SLAMF9: variants seen among roughly 807,000 people sequenced by gnomAD.
The protein encoded by SLAMF9 is CD2 family member 10.
Under a neutral mutation model 30.4 loss-of-function variants are expected in SLAMF9, and 25 were observed. That is an observed-to-expected ratio of 0.82 (90% CI 0.60 to 1.15). The LOEUF (loss-of-function observed/expected upper bound fraction) is 1.15. Ranked by LOEUF, SLAMF9 falls within the 50% of genes most tolerant of loss-of-function variation. The pLI is 0.00. For synonymous variants in SLAMF9, 129 were observed against 127.2 expected, an observed-to-expected ratio of 1.01 and a Z score of -0.09; for missense variants, 344 against 346.1, an observed-to-expected ratio of 0.99 and a Z score of 0.05.
chr1:159,982,657 C>T, the SLAMF9 span, among the ~76,000 whole-genome samples: 45 of 152,178 alleles, frequency 3.0e-4, no homozygotes, highest in Non-Finnish European at 6.0e-4. Context: ...TTCTGTATCT[C>T]CAACACTAGC....
At chr1:159,977,535 AG>A in the SLAMF9 span, among the ~76,000 whole-genome samples, 43 of 152,370 alleles carry the variant, frequency 2.8e-4, no homozygotes, top group African/African-American at 9.9e-4. Context: ...CTATAGGGCC[AG>A]TGACAGCATC....
chr1:159,963,012 C>A, the SLAMF9 span, among the ~76,000 whole-genome samples: 1 of 152,142 alleles, frequency 6.6e-6, no homozygotes, highest in Non-Finnish European at 1.5e-5. Flanking sequence ...ACAAATTGCC[C>A]TAAAGATTTA....
chr1:159,972,349 GTGGT>G, the SLAMF9 span, among the ~76,000 whole-genome samples: 2 of 152,248 alleles, frequency 1.3e-5, no homozygotes, highest in South Asian at 4.1e-4. Flanking sequence ...CACAACTTCT[GTGGT>G]TGTGAAAAGG....
the SLAMF9 span, chr1:159,973,318 C>G: frequency 1.6e-6 from 1 of 620,828 alleles, no homozygotes; most frequent in Middle Eastern, 2.7e-4. Flanking sequence ...GGAGGGGAGT[C>G]CTGGATGATA....
At chr1:159,978,996 C>A in the SLAMF9 span, 1 of 152,152 alleles carries the variant, frequency 6.6e-6, no homozygotes, top group South Asian at 2.1e-4. Flanking sequence ...GCATAGGGAT[C>A]CATTTATCCT....
At chr1:159,963,397 T>A in the SLAMF9 span, among the ~76,000 whole-genome samples, 3 of 152,124 alleles carry the variant, frequency 2.0e-5, no homozygotes, top group Non-Finnish European at 4.4e-5. Context: ...CAGCCCACAG[T>A]CTAAAGAGAC....
chr1:159,961,782 T>C, the SLAMF9 span, among the ~76,000 whole-genome samples: 1 of 150,728 alleles, frequency 6.6e-6, no homozygotes, highest in South Asian at 2.1e-4. Flanking sequence ...CAGAGAAGAG[T>C]GGAGATGAGG....
chr1:159,975,698 G>A, the SLAMF9 span, among the ~76,000 whole-genome samples: 176 of 152,332 alleles, frequency 1.2e-3, no homozygotes, highest in African/African-American at 4.0e-3. Context: ...GCAAGAGAGA[G>A]AGGTGTCAGC....
At chr1:159,983,444 G>A in the SLAMF9 span, 56 of 152,196 alleles carry the variant, frequency 3.7e-4, 1 homozygote, top group Non-Finnish European at 8.8e-5. Context: ...AAGTTGCCAA[G>A]AAAAGCAAGA....
At chr1:159,972,950 A>C in the SLAMF9 span, 1 of 1,092,282 alleles carries the variant, frequency 9.2e-7, no homozygotes, top group Non-Finnish European at 1.2e-6. Flanking sequence ...GTCCCACTGC[A>C]TGATGCCCAG....
upstream of SLAMF9, among the ~76,000 whole-genome samples, chr1:159,955,095 AAGAG>A (rs1487589794): frequency 2.0e-5 from 3 of 151,940 alleles, no homozygotes; most frequent in Non-Finnish European, 4.4e-5. Flanking sequence ...AAAAAAAAAA[AAGAG>A]AGAAGAAAAA....
the SLAMF9 span, chr1:159,977,101 C>T: frequency 6.6e-6 from 1 of 152,130 alleles, no homozygotes; most frequent in African/African-American, 2.4e-5. Flanking sequence ...CACAGCCTGG[C>T]TCTACCTTAA....
chr1:159,952,233 C>T, intron 3 of SLAMF9, 29 bp downstream of exon 3: 2 of 1,611,868 alleles, frequency 1.2e-6, no homozygotes, highest in South Asian at 2.2e-5. Context: ...CTTTCATGAG[C>T]TCAGGGGGTG....
At chr1:159,952,981 A>T (rs549139052) in intron 2 of SLAMF9, among the ~76,000 whole-genome samples, 38 of 152,232 alleles carry the variant, frequency 2.5e-4, no homozygotes, top group Non-Finnish European at 4.9e-4. Context: ...ACAGGGAAAT[A>T]AAAGGCTCAA....
the SLAMF9 span, among the ~76,000 whole-genome samples, chr1:159,972,359 A>G: frequency 6.6e-6 from 1 of 152,218 alleles, no homozygotes; most frequent in Non-Finnish European, 1.5e-5. Context: ...GTGGTTGTGA[A>G]AAGGACACAC....
At chr1:159,975,559 G>GGGAAA in the SLAMF9 span, among the ~76,000 whole-genome samples, 8 of 152,182 alleles carry the variant, frequency 5.3e-5, no homozygotes, top group Middle Eastern at 3.4e-3. Context: ...CCAGAGCAGT[G>GGGAAA]GGAAAGGAAA....
the SLAMF9 span, among the ~76,000 whole-genome samples, chr1:159,960,522 G>A: frequency 1.3e-5 from 2 of 148,368 alleles, no homozygotes; most frequent in South Asian, 4.2e-4. Context: ...CTTCAGTGCA[G>A]TGGTACCATC....
chr1:159,959,495 C>T, the SLAMF9 span, among the ~76,000 whole-genome samples: 5 of 152,092 alleles, frequency 3.3e-5, no homozygotes, highest in Admixed American at 3.3e-4. Flanking sequence ...ACAAACATTC[C>T]TTGCCCTGGC....
chr1:159,974,007 A>G, the SLAMF9 span: 4 of 1,606,440 alleles, frequency 2.5e-6, no homozygotes, highest in Non-Finnish European at 3.4e-6. Context: ...CTGACATCAC[A>G]GAGTCAGGGC....
Sources: gnomAD v4.1 joint callset for allele counts (sites outside exome capture counted in the v4.1 genomes callset) on GRCh38, gnomAD v4.1.1 for gene constraint, MANE v1.5 for transcripts, NCBI Gene and HGNC (gene_info 2026-07-23, HGNC 2026-07-21) for gene names.